The following UTRN variants were observed in gnomAD, a reference collection of about 807,000 sequenced individuals.
UTRN encodes utrophin.
UTRN carries 283 observed loss-of-function variants against 463.9 expected under a neutral mutation model. The ratio of observed to expected loss-of-function variants is 0.61; its 90% confidence interval spans 0.55 to 0.67. The LOEUF (loss-of-function observed/expected upper bound fraction) is 0.67. Among genes scored for constraint, UTRN ranks in the 30% least tolerant of loss-of-function variants. UTRN has a pLI of 0.00. For missense variants in UTRN, 3,922 were observed against 4,084.3 expected (o/e 0.96, Z 1.08); for synonymous variants, 1,442 against 1,431.5 (o/e 1.01, Z -0.17).
intron 60 of UTRN, among the ~76,000 whole-genome samples, chr6:144,778,265 T>C (rs1358489805): frequency 1.3e-5 from 2 of 151,964 alleles, no homozygotes; most frequent in Non-Finnish European, 2.9e-5. Context: ...ACTCGGGGTA[T>C]TGGGTAGTTG....
At chr6:144,833,173 T>TAAC (rs1431883714) in intron 69 of UTRN, among the ~76,000 whole-genome samples, 4 of 152,182 alleles carry the variant, frequency 2.6e-5, no homozygotes, top group Non-Finnish European at 5.9e-5. Context: ...ATTTTTATCG[T>TAAC]AACACCTGAG....
At chr6:144,448,448 C>A in intron 16 of UTRN, 152 bp from the exon 17 acceptor site, 2 of 857,926 alleles carry the variant, frequency 2.3e-6, no homozygotes, top group South Asian at 2.3e-5. Flanking sequence ...ATAAAATGTT[C>A]TGGAGACAGA....
Position 144,533,099 on chromosome 6 carries a change from C to T in UTRN, c.6072C>T (p.Gly2024=), listed in dbSNP as rs926096037. The T allele has an allele frequency of 6.3e-7, 1 of 1,598,170 alleles. No homozygotes were observed. Among genetic ancestry groups the T allele is most frequent in the Admixed American group, 1.7e-5 (1 of 59,890 alleles). ...ARIHQQELEV[G]ISSHQPSFAA... The stretch of plus-strand genomic sequence containing the variant: ...CTCTGTTACAGGAACTTGAGGTGGG[C>T]ATCAGCAGCCACCAGCCCAGTTTTG... Residue 2024 remains glycine (G), a synonymous_variant, in exon 43 of 75, where the codon GGC becomes GGT. Coordinates refer to ENST00000367545, the MANE Select transcript of UTRN (RefSeq NM_007124.3).
chr6:144,669,156 T>C (rs1421555087), intron 51 of UTRN, among the ~76,000 whole-genome samples: 2 of 152,136 alleles, frequency 1.3e-5, no homozygotes, highest in East Asian at 3.9e-4. Flanking sequence ...CTAATATGGA[T>C]AGTTATGCTG....
Position 144,429,676 on chromosome 6 carries a change from C to T in UTRN, c.790C>T (p.Arg264Cys), listed in dbSNP as rs765704454. The T allele has an allele frequency of 2.4e-5, 39 of 1,612,390 alleles. No homozygotes were observed. In the South Asian group the frequency reaches 2.5e-4, roughly 10 times the overall value. ...TCAGCAAGTCACCATAGACGCCATC[C>T]GTGAGGTAGAGACACTCCCAAGGAA... is the stretch of plus-strand genomic sequence containing the variant. Reference protein sequence around the residue: ...LPQQVTIDAIREVETLPRKYK... With the variant: ...LPQQVTIDAICEVETLPRKYK... Residue 264 changes from arginine (R) to cysteine (C), a missense_variant, in exon 9 of 75, where the codon CGT (arginine) becomes TGT (cysteine). Arg to Cys is a radical substitution (Grantham distance 180). Coordinates refer to ENST00000367545, the MANE Select transcript of UTRN (RefSeq NM_007124.3).
chr6:144,398,814 T>A (rs1231868499), intron 2 of UTRN: 1 of 152,640 alleles, frequency 6.6e-6, no homozygotes, highest in Non-Finnish European at 1.5e-5. Context: ...TCGGATTCAT[T>A]CCCCAAGCAA....
At chr6:144,413,047 C>G (rs1156230110) in intron 3 of UTRN, among the ~76,000 whole-genome samples, 2 of 152,106 alleles carry the variant, frequency 1.3e-5, no homozygotes, top group East Asian at 3.9e-4. Flanking sequence ...TTCTGTCTCC[C>G]TGCTGTATCT....
intron 51 of UTRN, among the ~76,000 whole-genome samples, chr6:144,676,715 C>T (rs985440318): frequency 2.6e-5 from 4 of 151,882 alleles, no homozygotes; most frequent in Admixed American, 6.6e-5. Flanking sequence ...GTGATGAAAC[C>T]GTTGTTACTA....
intron 13 of UTRN, among the ~76,000 whole-genome samples, chr6:144,441,627 G>A (rs1787172376): frequency 6.6e-6 from 1 of 152,204 alleles, no homozygotes; most frequent in Non-Finnish European, 1.5e-5. Flanking sequence ...CCACCCTGGG[G>A]TCTGGAGGAC....
rs201972641 is a variant in UTRN, at chr6:144,824,572, T to A, written c.9495-2776T>A. Among the ~76,000 whole-genome samples the A allele has an allele frequency of 4.0e-3, 153 of 37,892 alleles. 6 individuals carry two copies. Among genetic ancestry groups the A allele is most frequent in the East Asian group, 0.024 (28 of 1,182 alleles). The allele number at this position is 37,892 out of a possible 152,430, so 24.9% of individuals were successfully genotyped here. A position where few individuals can be genotyped will look rare whatever the true frequency, so the allele number is the denominator to read the frequency against. On this transcript the variant is annotated intron_variant, in intron 66 of 74. Transcript: ENST00000367545. The stretch of plus-strand genomic sequence containing the variant: ...TATATATATTAATATAGCATTTTAT[T>A]TATATATATATATATATATATATAT...
chr6:144,545,480 T>C (rs1007445529), intron 46 of UTRN, among the ~76,000 whole-genome samples: 2 of 152,252 alleles, frequency 1.3e-5, no homozygotes, highest in Non-Finnish European at 1.5e-5. Flanking sequence ...ACTGGTCTTC[T>C]TGCTGTTTCA....
intron 51 of UTRN, among the ~76,000 whole-genome samples, chr6:144,624,047 G>T (rs1436582809): frequency 6.6e-6 from 1 of 152,120 alleles, no homozygotes; most frequent in East Asian, 1.9e-4. Flanking sequence ...TTTATGCTGG[G>T]TTCCTAAAGG....
chr6:144,794,259 C>T (rs1036702019), intron 63 of UTRN, among the ~76,000 whole-genome samples: 2 of 152,154 alleles, frequency 1.3e-5, no homozygotes, highest in Non-Finnish European at 2.9e-5. Context: ...TTCCTGGCCT[C>T]ATCTCCTACC....
chr6:144,460,526 T>C (rs1443755388), intron 21 of UTRN, among the ~76,000 whole-genome samples: 1 of 152,256 alleles, frequency 6.6e-6, no homozygotes, highest in Non-Finnish European at 1.5e-5. Flanking sequence ...GAAATATGTC[T>C]TTGAGGGTAC....
At chr6:144,795,664 G>A (rs1012501018) in intron 63 of UTRN, among the ~76,000 whole-genome samples, 2 of 152,124 alleles carry the variant, frequency 1.3e-5, no homozygotes, top group African/African-American at 4.8e-5. Context: ...CTGCATAAAT[G>A]TCTTCTTTTG....
chr6:144,716,666 CAT>C (rs1166529268), intron 53 of UTRN, among the ~76,000 whole-genome samples: 1 of 152,074 alleles, frequency 6.6e-6, no homozygotes, highest in Non-Finnish European at 1.5e-5. Context: ...AGAATAAAAA[CAT>C]GGCCATAATT....
intron 2 of UTRN, among the ~76,000 whole-genome samples, chr6:144,304,810 T>A (rs985886607): frequency 3.9e-5 from 6 of 152,182 alleles, no homozygotes; most frequent in Non-Finnish European, 5.9e-5. Flanking sequence ...ATTAAAAAAA[T>A]TTATATTTAT....
intron 28 of UTRN, among the ~76,000 whole-genome samples, chr6:144,486,781 A>T (rs1042824625): frequency 1.3e-5 from 2 of 152,058 alleles, no homozygotes; most frequent in African/African-American, 4.8e-5. Flanking sequence ...CGGCCTCCCA[A>T]TGTGCTAGGA....
At chr6:144,596,091 T>C (rs1452129939) in intron 51 of UTRN, among the ~76,000 whole-genome samples, 11 of 152,306 alleles carry the variant, frequency 7.2e-5, no homozygotes, top group Non-Finnish European at 4.4e-5. Flanking sequence ...TAGAGAAAGA[T>C]TGGAGAAATT....
Sources: gnomAD v4.1 joint callset for allele counts (sites outside exome capture counted in the v4.1 genomes callset) on GRCh38, gnomAD v4.1.1 for gene constraint, MANE v1.5 for transcripts, NCBI Gene and HGNC (gene_info 2026-07-23, HGNC 2026-07-21) for gene names.